The following WDR72 variants were observed in gnomAD, a reference collection of about 807,000 sequenced individuals.
WDR72 encodes the protein WD repeat-containing protein 72.
WDR72 carries 120 observed loss-of-function variants against 124.2 expected under a neutral mutation model. That is an observed-to-expected ratio of 0.97 (90% CI 0.83 to 1.12). WDR72 has a LOEUF of 1.12. Among genes scored for constraint, WDR72 ranks in the 50% most tolerant of loss-of-function variants. WDR72 has a pLI of 0.00. For synonymous variants in WDR72, 452 were observed against 441.7 expected (o/e 1.02, Z -0.29); for missense variants, 1,387 against 1,278.8 (o/e 1.08, Z -1.29).
intron 13 of WDR72, among the ~76,000 whole-genome samples, chr15:53,666,302 T>G (rs1235446673): frequency 1.3e-5 from 2 of 152,204 alleles, no homozygotes; most frequent in Non-Finnish European, 2.9e-5. Context: ...TTGTTGTGAT[T>G]ATATCCTTTG....
intron 14 of WDR72, among the ~76,000 whole-genome samples, chr15:53,623,944 G>C (rs2140381906): frequency 6.6e-6 from 1 of 152,232 alleles, no homozygotes; most frequent in East Asian, 1.9e-4. Flanking sequence ...TAGTGATGTT[G>C]AGCATCTTTT....
At chr15:53,665,398 T>TA (rs2140450933) in intron 14 of WDR72, among the ~76,000 whole-genome samples, 174 bp downstream of exon 14, 1 of 152,302 alleles carries the variant, frequency 6.6e-6, no homozygotes, top group South Asian at 2.1e-4. Flanking sequence ...CCATAGTAAG[T>TA]ATAATAGTCA....
At chr15:53,741,398 G>C (rs557246146) in intron 1 of WDR72, among the ~76,000 whole-genome samples, 1 of 152,122 alleles carries the variant, frequency 6.6e-6, no homozygotes, top group African/African-American at 2.4e-5. Flanking sequence ...ATCCAGATTT[G>C]CTATGTGTAG....
intron 2 of WDR72, among the ~76,000 whole-genome samples, chr15:53,731,134 C>T (rs2018190452): frequency 6.6e-6 from 1 of 152,110 alleles, no homozygotes; most frequent in Non-Finnish European, 1.5e-5. Flanking sequence ...CAAAGCTGAT[C>T]CCATCCCCAA....
At chr15:53,585,765 T>A (rs1258134384) in intron 18 of WDR72, among the ~76,000 whole-genome samples, 1 of 151,980 alleles carries the variant, frequency 6.6e-6, no homozygotes, top group East Asian at 1.9e-4. Context: ...TGCTCAGCCA[T>A]CGTCCCAAGA....
At position 53,637,246 on chromosome 15, in the gene WDR72, T is replaced by A. The variant is rs188982137; in HGVS notation, c.1963-21003A>T. ...AAATAATCTTATAATTGAAGAGAAATAAAAATGTATTAACATTAGGATCTG... is the reference window on the plus strand; with the variant it reads ...AAATAATCTTATAATTGAAGAGAAAAAAAAATGTATTAACATTAGGATCTG... On this transcript the variant is annotated intron_variant, in intron 14 of 19. Coordinates refer to ENST00000360509, the MANE Select transcript of WDR72 (RefSeq NM_182758.4). Among the ~76,000 whole-genome samples, 6 of 152,288 alleles carry A rather than the reference T, an allele frequency of 3.9e-5. No homozygotes were observed. In the East Asian group the frequency reaches 7.7e-4, roughly 20 times the overall value.
At chr15:53,518,003 C>T (rs1434128399) in intron 19 of WDR72, among the ~76,000 whole-genome samples, 1 of 151,848 alleles carries the variant, frequency 6.6e-6, no homozygotes, top group South Asian at 2.1e-4. Flanking sequence ...GGTAAATACA[C>T]TTTAATTGCA....
chr15:53,622,809 G>C (rs1204441400), intron 14 of WDR72, among the ~76,000 whole-genome samples: 1 of 145,928 alleles, frequency 6.9e-6, no homozygotes, highest in Admixed American at 6.6e-5. Flanking sequence ...CTAAAATAAA[G>C]GGCCCTAGGG....
chr15:53,636,704 C>G (rs1039694541), intron 14 of WDR72, among the ~76,000 whole-genome samples: 37 of 152,216 alleles, frequency 2.4e-4, no homozygotes, highest in African/African-American at 8.4e-4. Flanking sequence ...TTAGAAAATT[C>G]CAATGGAGTA....
At chr15:53,530,175 G>A (rs574783219) in intron 18 of WDR72, among the ~76,000 whole-genome samples, 2 of 150,822 alleles carry the variant, frequency 1.3e-5, no homozygotes, top group Non-Finnish European at 3.0e-5. Context: ...CCAAATTGTA[G>A]ATAAATATAC....
At chr15:53,611,684 G>T (rs2013544795) in intron 16 of WDR72, among the ~76,000 whole-genome samples, 1 of 151,948 alleles carries the variant, frequency 6.6e-6, no homozygotes, top group Non-Finnish European at 1.5e-5. Context: ...TGGAATGCAG[G>T]CCCCTCTACT....
intron 19 of WDR72, among the ~76,000 whole-genome samples, chr15:53,518,984 C>T (rs991187183): frequency 2.6e-5 from 4 of 152,048 alleles, no homozygotes; most frequent in African/African-American, 7.2e-5. Flanking sequence ...GATGTGGAAA[C>T]ACTTACGTAA....
At chr15:53,543,742 G>A (rs75512326) in intron 18 of WDR72, among the ~76,000 whole-genome samples, 47,585 of 151,654 alleles carry the variant, frequency 0.31, 7,914 homozygotes, top group Admixed American at 0.41. Flanking sequence ...TTGATAGACC[G>A]CTAGCAAGAC....
intron 1 of WDR72, among the ~76,000 whole-genome samples, chr15:53,734,626 A>G (rs1347188510): frequency 6.6e-6 from 1 of 151,988 alleles, no homozygotes; most frequent in Non-Finnish European, 1.5e-5. Context: ...CTAAATTAGT[A>G]TGTGGCTTTT....
chr15:53,714,289 T>C (rs1302170184), intron 6 of WDR72, 145 bp downstream of exon 6: 1 of 718,080 alleles, frequency 1.4e-6, no homozygotes, highest in African/African-American at 1.8e-5. Flanking sequence ...GGAAGATGGA[T>C]GGGGGAAATA....
At chr15:53,733,210 T>G in intron 1 of WDR72, 49 bp from the exon 2 acceptor site, 1 of 1,598,184 alleles carries the variant, frequency 6.3e-7, no homozygotes, top group Admixed American at 1.7e-5. Flanking sequence ...TTTTTGAAAT[T>G]TGAGGAAACC....
chr15:53,665,616 C>T lies in WDR72; in HGVS notation c.1918G>A (p.Gly640Arg), dbSNP rs886051298. 6.2e-7 allele frequency: 1 copy of T among 1,613,852 alleles called. No individual in the cohort carries two copies. Among genetic ancestry groups the T allele is most frequent in the East Asian group, 2.2e-5 (1 of 44,874 alleles). ...TGCAGACCAGGGCAAGGTAATGGCC[C>T]AAGCTGGTAGGGGCTGGAGGATCTC... Reference protein sequence around the residue: ...EQRSSSPYQLGPLPCPGLQVE... With the variant: ...EQRSSSPYQLRPLPCPGLQVE... The change falls in exon 14 of 20, where the codon GGG becomes AGG. Residue 640 changes from glycine to arginine, a missense_variant. By Grantham distance (125) the Gly-to-Arg change is moderately radical (BLOSUM62 -2). Coordinates refer to ENST00000360509, the MANE Select transcript of WDR72 (RefSeq NM_182758.4).
intron 9 of WDR72, among the ~76,000 whole-genome samples, chr15:53,706,383 T>TAC (rs2140534333): frequency 7.9e-6 from 1 of 126,252 alleles, no homozygotes; most frequent in East Asian, 2.3e-4. Context: ...TATATATATA[T>TAC]ATATATATAT....
intron 17 of WDR72, 91 bp from the exon 18 acceptor site, chr15:53,597,365 TG>T: frequency 1.6e-6 from 2 of 1,279,940 alleles, no homozygotes; most frequent in Non-Finnish European, 2.2e-6. Flanking sequence ...AATTTAAATT[TG>T]AATAGGTTTC....
Sources: gnomAD v4.1 joint callset for allele counts (sites outside exome capture counted in the v4.1 genomes callset) on GRCh38, gnomAD v4.1.1 for gene constraint, MANE v1.5 for transcripts, NCBI Gene and HGNC (gene_info 2026-07-23, HGNC 2026-07-21) for gene names.